FAM8A1: variants seen among roughly 807,000 people sequenced by gnomAD.
The protein encoded by FAM8A1 is family with sequence similarity 8 member A1, also known as protein FAM8A1.
A neutral mutation model predicts 38.3 loss-of-function variants in FAM8A1; 18 were observed. That is an observed-to-expected ratio of 0.47 (90% CI 0.33 to 0.70). FAM8A1 has a LOEUF of 0.70. Ranked by LOEUF, FAM8A1 falls within the 30% of genes least tolerant of loss-of-function variation. The probability of loss-of-function intolerance (pLI) is 0.03; values close to 1 mark genes in which losing one functional copy is unlikely to be tolerated. For synonymous variants in FAM8A1, 246 were observed against 234.4 expected (o/e 1.05, Z -0.45); for missense variants, 559 against 559.6 (o/e 1.00, Z 0.01).
At chr6:17,603,009 C>G (rs1217007004) in intron 2 of FAM8A1, among the ~76,000 whole-genome samples, 4 of 152,200 alleles carry the variant, frequency 2.6e-5, no homozygotes, top group Admixed American at 1.3e-4. Context: ...AGGCCAGGAA[C>G]TAATTTACCT....
At position 17,600,940 on chromosome 6, in the gene FAM8A1, C is replaced by A. The variant is rs1763975962; in HGVS notation, c.531C>A (p.Phe177Leu). 1 of 1,593,208 alleles carries A rather than the reference C, an allele frequency of 6.3e-7. No homozygotes were observed. The highest frequency in any genetic ancestry group is 8.5e-7 in the Non-Finnish European group (1 of 1,172,236). ...PQLGYYNPFYFLSPGAAGPDP... is the reference protein window; with the variant it reads ...PQLGYYNPFYLLSPGAAGPDP... ...TGGGCTATTACAACCCCTTCTACTT[C>A]CTGAGCCCCGGGGCCGCGGGGCCTG... The change falls in exon 1 of 5, where the codon TTC (phenylalanine) becomes TTA (leucine). Residue 177 changes from phenylalanine to leucine, a missense_variant. By Grantham distance (22) the Phe-to-Leu change is conservative. Around this residue, in one of 2 missense-constraint regions of FAM8A1, gnomAD observed 393 missense variants for 338.9 expected, o/e 1.16. Coordinates refer to ENST00000259963, the MANE Select transcript of FAM8A1 (RefSeq NM_016255.3).
In FAM8A1 at chr6:17,610,482, G is replaced by A. The variant is rs1764125319; in HGVS notation, c.*2143G>A. 1 of 151,964 alleles carries A rather than the reference G, an allele frequency of 6.6e-6. No homozygotes were observed. Among genetic ancestry groups the A allele is most frequent in the Non-Finnish European group, 1.5e-5 (1 of 67,964 alleles). The allele number at this position is 151,964 out of a possible 1,614,324, so 9.4% of individuals were successfully genotyped here. On this transcript the variant is annotated 3_prime_UTR_variant, in exon 5 of 5. Transcript: ENST00000259963. Reference sequence around the variant, plus strand: ...TATTTGCCTTCATAATAGAACCCAAGAGTCTGTTTCAATTTATGAATTCAG... The same window carrying A: ...TATTTGCCTTCATAATAGAACCCAAAAGTCTGTTTCAATTTATGAATTCAG...
At chr6:17,602,830 CT>C in intron 2 of FAM8A1, 120 bp downstream of exon 2, 1 of 893,770 alleles carries the variant, frequency 1.1e-6, no homozygotes, top group Non-Finnish European at 1.6e-6. Flanking sequence ...GTCATGATTT[CT>C]TTATAAGAGC....
At chr6:17,602,537 G>C (rs947675062) in intron 1 of FAM8A1, 53 bp from the exon 2 acceptor site, 4 of 1,552,056 alleles carry the variant, frequency 2.6e-6, no homozygotes, top group South Asian at 2.4e-5. Flanking sequence ...GTGTTCCAAG[G>C]CTTATGTGAA....
Position 17,610,874 on chromosome 6 carries a change from T to C in FAM8A1, c.*2535T>C, listed in dbSNP as rs1764132447. On this transcript the variant is annotated 3_prime_UTR_variant, in exon 5 of 5. Transcript: ENST00000259963. ...AATTTAGGCGTCTAGAAAATCTCAG[T>C]TCCCACCAGTAAAATTATCCTGAGT... is the stretch of plus-strand genomic sequence containing the variant. 6.6e-6 allele frequency: 1 copy of C among 152,130 alleles called. No individual in the cohort carries two copies. Among genetic ancestry groups the C allele is most frequent in the Non-Finnish European group, 1.5e-5 (1 of 68,000 alleles). 9.4% of individuals were successfully genotyped at this position (152,130 alleles called of 1,614,324 possible).
rs567235241 is a variant in FAM8A1 at position 17,609,196 on chromosome 6, A to T, written c.*857A>T. The T allele has an allele frequency of 6.6e-6, 1 of 152,298 alleles. No individual in the cohort carries two copies. Among genetic ancestry groups the T allele is most frequent in the South Asian group, 2.1e-4 (1 of 4,830 alleles). The allele number at this position is 152,298 out of a possible 1,614,324, so 9.4% of individuals were successfully genotyped here. On this transcript the variant is annotated 3_prime_UTR_variant, in exon 5 of 5. Transcript: ENST00000259963. ...GAAATCACCTCCATCAAACAGTTGC[A>T]TATTTACTGTAAAAGTATTCCCAGT...
At position 17,611,651 on chromosome 6, in the gene FAM8A1, C is replaced by T. The variant is rs1764147540; in HGVS notation, c.*3312C>T. 6.6e-6 allele frequency: 1 copy of T among 152,284 alleles called. No individual in the cohort carries two copies. The highest frequency in any genetic ancestry group is 2.4e-5 in the African/African-American group (1 of 41,438). The allele number at this position is 152,284 out of a possible 1,614,324, so 9.4% of individuals were successfully genotyped here. On this transcript the variant is annotated 3_prime_UTR_variant, in exon 5 of 5. Transcript: ENST00000259963. Reference sequence around the variant, plus strand: ...CCACCTATAAATAAAATTCAGCATTCTATTTTTAATAATTTGTATGCCACC... The same window carrying T: ...CCACCTATAAATAAAATTCAGCATTTTATTTTTAATAATTTGTATGCCACC...
In FAM8A1 at chr6:17,609,820, ATATC is replaced by A. The variant is rs1401822718; in HGVS notation, c.*1485_*1488del. ...TTAAATTTAACAGCAAACACAGCAC[ATATC>A]TATTATCACTATATTAATTTTCAAA... On this transcript the variant is annotated 3_prime_UTR_variant, in exon 5 of 5. Transcript: ENST00000259963. 1.3e-5 allele frequency: 2 copies of A among 152,308 alleles called. No individual in the cohort carries two copies. Among genetic ancestry groups the A allele is most frequent in the Non-Finnish European group, 2.9e-5 (2 of 68,008 alleles). The allele number at this position is 152,308 out of a possible 1,614,324, so 9.4% of individuals were successfully genotyped here. A position where few individuals can be genotyped will look rare whatever the true frequency, so the allele number is the denominator to read the frequency against.
rs1213718725 is a variant in FAM8A1 at position 17,608,304 on chromosome 6, G to A, written c.1207G>A (p.Gly403Arg). Residue 403 changes from glycine to arginine, a missense_variant, in exon 5 of 5, where the codon GGA (glycine) becomes AGA (arginine). By Grantham distance (125) the Gly-to-Arg change is moderately radical. Coordinates refer to ENST00000259963, the MANE Select transcript of FAM8A1 (RefSeq NM_016255.3). The stretch of plus-strand genomic sequence containing the variant: ...TCGAACAGCTTATGACATTGTAGCA[G>A]GAACCATTGTGGTAAAAAGAAATGG... ...HNRTAYDIVAGTIVVKRNGVR is the reference protein window; with the variant it reads ...HNRTAYDIVARTIVVKRNGVR The A allele has an allele frequency of 1.2e-6, 2 of 1,612,208 alleles. No individual in the cohort carries two copies. The highest frequency in any genetic ancestry group is 2.7e-5 in the African/African-American group (2 of 74,844).
chr6:17,610,556 A>G lies in FAM8A1; in HGVS notation c.*2217A>G, dbSNP rs1251162076. The G allele has an allele frequency of 2.6e-5, 4 of 152,114 alleles. No homozygotes were observed. The highest frequency in any genetic ancestry group is 4.4e-5 in the Non-Finnish European group (3 of 68,002). 9.4% of individuals were successfully genotyped at this position (152,114 alleles called of 1,614,324 possible). On this transcript the variant is annotated 3_prime_UTR_variant, in exon 5 of 5. Transcript: ENST00000259963. ...CCAAAGTTTGGAAAAAAATGACAAAACAACGAGGGAAGAAGGAACCAGACC... is the reference window on the plus strand; with the variant it reads ...CCAAAGTTTGGAAAAAAATGACAAAGCAACGAGGGAAGAAGGAACCAGACC...
At chr6:17,601,449 C>A (rs1763984862) in intron 1 of FAM8A1, among the ~76,000 whole-genome samples, 1 of 152,194 alleles carries the variant, frequency 6.6e-6, no homozygotes, top group Non-Finnish European at 1.5e-5. Context: ...AAGCTAAATT[C>A]GCAAATGGCA....
chr6:17,601,228 T>A, intron 1 of FAM8A1, 107 bp downstream of exon 1: 4 of 1,393,470 alleles, frequency 2.9e-6, no homozygotes, highest in Non-Finnish European at 3.8e-6. Context: ...CTACTCTGAT[T>A]GACTATCCTG....
Position 17,605,980 on chromosome 6 carries a change from T to TA in FAM8A1, c.1065dup (p.Val356SerfsTer8). 1 of 1,574,454 alleles carries TA rather than the reference T, an allele frequency of 6.4e-7. No homozygotes were observed. Among genetic ancestry groups the TA allele is most frequent in the Non-Finnish European group, 8.7e-7 (1 of 1,153,380 alleles). Reference sequence around the variant, plus strand: ...GTGCTTATTGCACCAAGTCGGGTTTTAGTGATTCCTTCCTCAAATGTTAGC... The same window carrying TA: ...GTGCTTATTGCACCAAGTCGGGTTTTAAGTGATTCCTTCCTCAAATGTTAGC... On this transcript the variant is annotated frameshift_variant, in exon 4 of 5. Transcript: ENST00000259963. LOFTEE classifies it high-confidence loss of function.
At chr6:17,601,227 T>C (rs1022989964) in intron 1 of FAM8A1, 106 bp downstream of exon 1, 1 of 1,397,408 alleles carries the variant, frequency 7.2e-7, no homozygotes, top group African/African-American at 1.4e-5. Context: ...TCTACTCTGA[T>C]TGACTATCCT....
At position 17,609,043 on chromosome 6, in the gene FAM8A1, T is replaced by TA. The variant is rs1764098757; in HGVS notation, c.*704_*705insA. 2.1e-5 allele frequency: 3 copies of TA among 145,962 alleles called. No individual in the cohort carries two copies. Among genetic ancestry groups the TA allele is most frequent in the African/African-American group, 7.8e-5 (3 of 38,638 alleles). 9.0% of individuals were successfully genotyped at this position (145,962 alleles called of 1,614,324 possible). ...CAAGTCATATTGCTATGTTAATTGGTTTTTTTTTTTAAAAGGTAAGTTAGT... is the reference window on the plus strand; with the variant it reads ...CAAGTCATATTGCTATGTTAATTGGTATTTTTTTTTTAAAAGGTAAGTTAGT... On this transcript the variant is annotated 3_prime_UTR_variant, in exon 5 of 5. Coordinates refer to ENST00000259963, the MANE Select transcript of FAM8A1 (RefSeq NM_016255.3).
intron 4 of FAM8A1, 76 bp from the exon 5 acceptor site, chr6:17,608,119 G>T: frequency 6.8e-7 from 1 of 1,469,132 alleles, no homozygotes; most frequent in South Asian, 1.2e-5. Flanking sequence ...TGTCTATTTT[G>T]AACTTGATGG....
chr6:17,600,970 G>T lies in FAM8A1; in HGVS notation c.561G>T (p.Pro187=). 6.3e-7 allele frequency: 1 copy of T among 1,594,154 alleles called. No individual in the cohort carries two copies. Residue 187 remains proline, a synonymous_variant, in exon 1 of 5, where the codon CCG becomes CCT. Transcript: ENST00000259963. ...GCCCCGGGGCCGCGGGGCCTGACCCGCGGACAGCTGCCGGCATCAGCACCC... is the reference window on the plus strand; with the variant it reads ...GCCCCGGGGCCGCGGGGCCTGACCCTCGGACAGCTGCCGGCATCAGCACCC... The part of the protein sequence containing the change: ...FLSPGAAGPD[P]RTAAGISTPA...
chr6:17,602,525 T>C, intron 1 of FAM8A1, 65 bp from the exon 2 acceptor site: 2 of 1,510,556 alleles, frequency 1.3e-6, no homozygotes, highest in South Asian at 2.5e-5. Flanking sequence ...ATTACATGGC[T>C]TGTGTTCCAA....
rs1764119545 is a variant in FAM8A1 at position 17,610,168 on chromosome 6, A to T, written c.*1829A>T. 1 of 152,144 alleles carries T rather than the reference A, an allele frequency of 6.6e-6. No individual in the cohort carries two copies. The allele number at this position is 152,144 out of a possible 1,614,324, so 9.4% of individuals were successfully genotyped here. On this transcript the variant is annotated 3_prime_UTR_variant, in exon 5 of 5. Coordinates refer to ENST00000259963, the MANE Select transcript of FAM8A1 (RefSeq NM_016255.3). ...ATACACTAGCATTAGTTTATACACC[A>T]CTTTTGCCGCTGGGGAATTCAAGTT...
Sources: gnomAD v4.1 joint callset for allele counts (sites outside exome capture counted in the v4.1 genomes callset) on GRCh38, gnomAD v4.1.1 for gene constraint, gnomAD v4.1.1 regional missense constraint, MANE v1.5 for transcripts, NCBI Gene and HGNC (gene_info 2026-07-23, HGNC 2026-07-21) for gene names.